TLK1: variants seen among roughly 807,000 people sequenced by gnomAD.
TLK1 encodes the protein serine/threonine-protein kinase tousled-like 1.
In TLK1, 24 loss-of-function variants were observed where a neutral mutation model predicts 105.3. The ratio of observed to expected loss-of-function variants is 0.23; its 90% CI spans 0.17 to 0.32. The LOEUF is 0.32. TLK1 is among the 10% of genes least tolerant of loss of function. The pLI is 1.00. For synonymous variants in TLK1, 321 were observed against 310.4 expected (o/e 1.03, Z -0.36); for missense variants, 558 against 910.5 (o/e 0.61, Z 4.98).
intron 1 of TLK1, among the ~76,000 whole-genome samples, chr2:171,149,748 G>A (rs1196600913): frequency 6.6e-6 from 1 of 151,970 alleles, no homozygotes; most frequent in East Asian, 1.9e-4. Flanking sequence ...TCCACAAAAA[G>A]TTAAAAAATC....
At chr2:171,065,614 T>C (rs1484755822) in intron 3 of TLK1, among the ~76,000 whole-genome samples, 1 of 151,952 alleles carries the variant, frequency 6.6e-6, no homozygotes, top group East Asian at 1.9e-4. Context: ...CTCAGCTCAC[T>C]GCAAGCTCTG....
chr2:171,072,243 C>T (rs1307716061), intron 3 of TLK1, among the ~76,000 whole-genome samples: 1 of 152,228 alleles, frequency 6.6e-6, no homozygotes, highest in East Asian at 1.9e-4. Context: ...GAATATCCTT[C>T]CATTTTTTTG....
intron 13 of TLK1, 64 bp from the exon 14 acceptor site, chr2:171,011,518 A>T (rs1239465301): frequency 1.5e-6 from 2 of 1,358,096 alleles, no homozygotes; most frequent in Non-Finnish European, 2.1e-6. Context: ...TTCTACACTG[A>T]AGTTCTACTC....
intron 3 of TLK1, among the ~76,000 whole-genome samples, chr2:171,061,494 C>G (rs144613947): frequency 5.1e-4 from 78 of 152,272 alleles, no homozygotes; most frequent in African/African-American, 1.8e-3. Flanking sequence ...CTTAGTGTTT[C>G]CTATGAGTTT....
intron 1 of TLK1, among the ~76,000 whole-genome samples, chr2:171,158,458 G>A (rs1030529672): frequency 6.6e-6 from 1 of 152,198 alleles, no homozygotes; most frequent in Admixed American, 6.5e-5. Context: ...AGTAACCTCA[G>A]AAACTCACAA....
At chr2:171,060,451 G>A (rs763269045) in intron 4 of TLK1, among the ~76,000 whole-genome samples, 44 of 152,218 alleles carry the variant, frequency 2.9e-4, no homozygotes, top group Non-Finnish European at 2.8e-4. Context: ...GTAAGTCATG[G>A]GTTCACAGCC....
At chr2:171,103,033 A>G (rs1168816568) in intron 2 of TLK1, among the ~76,000 whole-genome samples, 3 of 152,070 alleles carry the variant, frequency 2.0e-5, no homozygotes, top group Non-Finnish European at 4.4e-5. Flanking sequence ...GAAGAGGGGA[A>G]ATTTGAATGA....
chr2:171,201,232 C>T (rs531549601), intron 1 of TLK1, among the ~76,000 whole-genome samples: 1 of 152,102 alleles, frequency 6.6e-6, no homozygotes, highest in Non-Finnish European at 1.5e-5. Context: ...AAGTTCATCA[C>T]AAAAGTTTTT....
Position 171,061,062 on chromosome 2 carries a change from G to A in TLK1, c.406+19C>T. 1 of 1,608,780 alleles carries A rather than the reference G, an allele frequency of 6.2e-7. No individual in the cohort carries two copies. The highest frequency in any genetic ancestry group is 1.1e-5 in the South Asian group (1 of 90,448). On this transcript the variant is annotated intron_variant, in intron 4 of 20. Coordinates refer to ENST00000431350, the MANE Select transcript of TLK1 (RefSeq NM_012290.5). ...TTTAAGTGTCCACTAGGCTCTGAAG[G>A]AAGATGTTATGTGCTTACCCTGACT...
chr2:171,155,602 G>A (rs1444124672), intron 1 of TLK1: 2 of 152,064 alleles, frequency 1.3e-5, no homozygotes, highest in Non-Finnish European at 2.9e-5. Context: ...TTTTAAATTG[G>A]ATGAAGCCTT....
intron 3 of TLK1, among the ~76,000 whole-genome samples, chr2:171,071,441 C>T (rs750474949): frequency 1.1e-4 from 16 of 152,220 alleles, no homozygotes; most frequent in South Asian, 2.1e-4. Context: ...GCACCTGCCA[C>T]CATGTCCAGC....
intron 12 of TLK1, among the ~76,000 whole-genome samples, chr2:171,015,415 A>AACACACACACACACACAC (rs56238853): frequency 7.5e-6 from 1 of 132,638 alleles, no homozygotes; most frequent in African/African-American, 2.9e-5. Context: ...TTGGAGTACA[A>AACACACACACACACACAC]ACACACACAC....
intron 1 of TLK1, among the ~76,000 whole-genome samples, chr2:171,196,372 C>G (rs1159626342): frequency 6.6e-6 from 1 of 152,158 alleles, no homozygotes; most frequent in Non-Finnish European, 1.5e-5. Context: ...CCGCCTCAGC[C>G]TCCCAAAGTG....
chr2:171,062,402 T>C lies in TLK1; in HGVS notation c.331-1246A>G, dbSNP rs190033213. 3.3e-5 allele frequency among the ~76,000 whole-genome samples: 5 copies of C among 152,314 alleles called. No individual in the cohort carries two copies. The East Asian group carries it at 9.6e-4, about 29-fold the overall frequency. On this transcript the variant is annotated intron_variant, in intron 3 of 20. Transcript: ENST00000431350. ...CTACAATTAAATATATGAATAACAATACATAGCCTAATTCTTATTGAACAC... is the reference window on the plus strand; with the variant it reads ...CTACAATTAAATATATGAATAACAACACATAGCCTAATTCTTATTGAACAC...
At chr2:171,136,376 C>T (rs1691324468) in intron 1 of TLK1, among the ~76,000 whole-genome samples, 1 of 152,120 alleles carries the variant, frequency 6.6e-6, no homozygotes, top group Non-Finnish European at 1.5e-5. Context: ...AAAACGAAAA[C>T]ATTCTGGAGA....
chr2:171,051,771 C>G (rs547422938), intron 8 of TLK1, among the ~76,000 whole-genome samples: 1 of 152,172 alleles, frequency 6.6e-6, no homozygotes, highest in East Asian at 1.9e-4. Flanking sequence ...GAGACACAAA[C>G]AGAACAAGGA....
intron 3 of TLK1, among the ~76,000 whole-genome samples, chr2:171,066,108 G>A: frequency 6.6e-6 from 1 of 152,106 alleles, no homozygotes; most frequent in East Asian, 1.9e-4. Flanking sequence ...CACATAGTCT[G>A]TCTCTGCCCA....
rs371489782 is a variant in TLK1, at chr2:171,049,979, A to T, written c.844-29T>A. 3.7e-6 allele frequency: 6 copies of T among 1,612,614 alleles called. No homozygotes were observed. The African/African-American group carries it at 5.3e-5, about 14-fold the overall frequency. ...AAAAGGAGAAAAAAAATCATCACTCAATTGTATTCATTAATTTATAAAAGC... is the reference window on the plus strand; with the variant it reads ...AAAAGGAGAAAAAAAATCATCACTCTATTGTATTCATTAATTTATAAAAGC... On this transcript the variant is annotated intron_variant, in intron 9 of 20. Transcript: ENST00000431350.
intron 1 of TLK1, among the ~76,000 whole-genome samples, chr2:171,191,013 T>C (rs993647054): frequency 1.3e-5 from 2 of 151,784 alleles, no homozygotes; most frequent in African/African-American, 4.8e-5. Context: ...ATACAAAAAT[T>C]AGCTGGGCGT....
Sources: allele counts gnomAD v4.1 joint callset (sites outside exome capture counted in the v4.1 genomes callset), GRCh38; gene constraint gnomAD v4.1.1; transcripts MANE v1.5; gene names NCBI Gene and HGNC (gene_info 2026-07-23, HGNC 2026-07-21).